Variants in ITFG1 observed in about 807,000 individuals in gnomAD.
The protein encoded by ITFG1 is integrin alpha FG-GAP repeat containing 1.
ITFG1 carries 34 observed loss-of-function variants against 81.8 expected under a neutral mutation model. The ratio of observed to expected loss-of-function variants is 0.42; its 90% confidence interval spans 0.32 to 0.55. The LOEUF is 0.55. ITFG1 is among the 20% of genes least tolerant of loss of function. The probability of loss-of-function intolerance (pLI) is 0.17; values close to 1 mark genes in which losing one functional copy is unlikely to be tolerated. For synonymous variants in ITFG1, 285 were observed against 270.6 expected, an observed-to-expected ratio of 1.05 and a Z score of -0.52; for missense variants, 672 against 755.4, an observed-to-expected ratio of 0.89 and a Z score of 1.29.
At chr16:47,216,948 G>A (rs887082098) in intron 14 of ITFG1, among the ~76,000 whole-genome samples, 10 of 152,084 alleles carry the variant, frequency 6.6e-5, no homozygotes, top group African/African-American at 2.4e-4. Flanking sequence ...ATGAGCACCT[G>A]GCCTGAATTA....
At chr16:47,211,397 G>C (rs1422164789) in intron 14 of ITFG1, among the ~76,000 whole-genome samples, 1 of 152,142 alleles carries the variant, frequency 6.6e-6, no homozygotes, top group Non-Finnish European at 1.5e-5. Flanking sequence ...TGTACTTCTT[G>C]GTTGCAGCAG....
intron 6 of ITFG1, among the ~76,000 whole-genome samples, chr16:47,397,663 A>C (rs951580118): frequency 3.9e-5 from 6 of 152,202 alleles, no homozygotes; most frequent in African/African-American, 1.4e-4. Flanking sequence ...CCCCACAACA[A>C]ACAAGGATCC....
At chr16:47,378,722 G>A (rs922212259) in intron 6 of ITFG1, among the ~76,000 whole-genome samples, 21 of 151,894 alleles carry the variant, frequency 1.4e-4, no homozygotes, top group African/African-American at 4.6e-4. Context: ...AAGGGGCATA[G>A]AAAAAATAAA....
chr16:47,157,477 T>C (rs183703847), intron 17 of ITFG1: 35 of 152,300 alleles, frequency 2.3e-4, no homozygotes, highest in African/African-American at 7.9e-4. Flanking sequence ...TGCATAATTA[T>C]TGTTATAAGC....
chr16:47,229,852 C>T (rs575312499), intron 13 of ITFG1, among the ~76,000 whole-genome samples: 2 of 152,104 alleles, frequency 1.3e-5, no homozygotes, highest in Non-Finnish European at 2.9e-5. Flanking sequence ...TTAGAGTAGT[C>T]GCCGCTCATG....
At chr16:47,388,052 T>C (rs953717661) in intron 6 of ITFG1, among the ~76,000 whole-genome samples, 13 of 151,384 alleles carry the variant, frequency 8.6e-5, no homozygotes, top group African/African-American at 1.5e-4. Flanking sequence ...TGAAAGTAAA[T>C]ATACTGAAAT....
intron 8 of ITFG1, among the ~76,000 whole-genome samples, chr16:47,352,854 T>C (rs886388305): frequency 3.3e-5 from 5 of 152,118 alleles, no homozygotes; most frequent in Non-Finnish European, 7.4e-5. Flanking sequence ...GTGGCACATA[T>C]ACACCATGGA....
At chr16:47,424,798 C>T (rs1239981380) in intron 6 of ITFG1, among the ~76,000 whole-genome samples, 6 of 152,112 alleles carry the variant, frequency 3.9e-5, no homozygotes, top group Admixed American at 6.6e-5. Context: ...CCTGATCCTT[C>T]CTCTGGAAGC....
intron 8 of ITFG1, among the ~76,000 whole-genome samples, chr16:47,316,774 T>C (rs1261144079): frequency 6.6e-6 from 1 of 152,206 alleles, no homozygotes; most frequent in South Asian, 2.1e-4. Context: ...GGGAAGAAAG[T>C]ACTTTTAACA....
intron 14 of ITFG1, among the ~76,000 whole-genome samples, chr16:47,184,957 A>C (rs537003347): frequency 6.6e-6 from 1 of 151,828 alleles, no homozygotes; most frequent in African/African-American, 2.4e-5. Flanking sequence ...ATGGAAAACA[A>C]AAAAAGGCAG....
At chr16:47,343,184 C>A (rs1381613587) in intron 8 of ITFG1, among the ~76,000 whole-genome samples, 1 of 152,006 alleles carries the variant, frequency 6.6e-6, no homozygotes, top group Non-Finnish European at 1.5e-5. Flanking sequence ...TAGAAATAAA[C>A]ACATAGACGT....
At chr16:47,338,180 T>C (rs1374659202) in intron 8 of ITFG1, among the ~76,000 whole-genome samples, 4 of 152,146 alleles carry the variant, frequency 2.6e-5, no homozygotes, top group Non-Finnish European at 1.5e-5. Flanking sequence ...GAGTCTGAGG[T>C]GGGTGGATCA....
At chr16:47,456,415 C>G (rs1484094345) in intron 2 of ITFG1, among the ~76,000 whole-genome samples, 1 of 151,934 alleles carries the variant, frequency 6.6e-6, no homozygotes, top group Admixed American at 6.6e-5. Flanking sequence ...AGATGCCGGG[C>G]GCGGTGGCTC....
At chr16:47,296,455 A>G (rs532596970) in intron 10 of ITFG1, among the ~76,000 whole-genome samples, 19 of 152,040 alleles carry the variant, frequency 1.2e-4, no homozygotes, top group Admixed American at 2.6e-4. Context: ...TGTTTCTTTG[A>G]GATGGAGTCT....
At chr16:47,347,846 C>T (rs562848784) in intron 8 of ITFG1, among the ~76,000 whole-genome samples, 2 of 152,340 alleles carry the variant, frequency 1.3e-5, no homozygotes, top group Admixed American at 6.5e-5. Flanking sequence ...TGAGACGGAA[C>T]TTCCAGAGGA....
chr16:47,418,024 C>T (rs1332584010), intron 6 of ITFG1, among the ~76,000 whole-genome samples: 3 of 152,082 alleles, frequency 2.0e-5, no homozygotes, highest in Admixed American at 2.0e-4. Context: ...TTCTCTGCAT[C>T]CTCAGCAGGA....
At chr16:47,242,586 A>C (rs1965947320) in intron 12 of ITFG1, among the ~76,000 whole-genome samples, 2 of 152,190 alleles carry the variant, frequency 1.3e-5, no homozygotes, top group Admixed American at 6.5e-5. Flanking sequence ...AAAATGCTGA[A>C]CTTCATTCAT....
rs1555514103 is a variant in ITFG1, at chr16:47,396,524, T to TGTGTG, written c.656-20585_656-20584insCACAC. Among the ~76,000 whole-genome samples the TGTGTG allele has an allele frequency of 4.2e-3, 631 of 149,200 alleles. 8 individuals carry two copies. Among genetic ancestry groups the TGTGTG allele is most frequent in the African/African-American group, 0.015 (600 of 40,278 alleles). On this transcript the variant is annotated intron_variant, in intron 6 of 17. Transcript: ENST00000320640. ...ACAGTCTCCTAACCTAATAATTATT[T>TGTGTG]TGTGTGTGTGTGTGTGTGTGAAAGA...
chr16:47,350,358 G>A (rs559536067), intron 8 of ITFG1, among the ~76,000 whole-genome samples: 46 of 151,894 alleles, frequency 3.0e-4, no homozygotes, highest in African/African-American at 6.3e-4. Context: ...TCAAATAGAC[G>A]CAATAAAAAA....
Sources: gnomAD v4.1 joint callset for allele counts (sites outside exome capture counted in the v4.1 genomes callset) on GRCh38, gnomAD v4.1.1 for gene constraint, MANE v1.5 for transcripts, NCBI Gene and HGNC (gene_info 2026-07-23, HGNC 2026-07-21) for gene names.